The following KCNN2 variants were observed in gnomAD, a reference collection of about 807,000 sequenced individuals.
The protein encoded by KCNN2 is small conductance calcium-activated potassium channel protein 2.
Under a neutral mutation model 55.5 loss-of-function variants are expected in KCNN2, and 24 were observed. That is an observed-to-expected ratio of 0.43 (90% CI 0.31 to 0.61). The LOEUF (loss-of-function observed/expected upper bound fraction) is 0.61, where lower values mean the gene tolerates loss of function less well. Ranked by LOEUF, KCNN2 falls within the 20% of genes least tolerant of loss-of-function variation. The probability of loss-of-function intolerance (pLI) is 0.08; values close to 1 mark genes in which losing one functional copy is unlikely to be tolerated. For missense variants in KCNN2, 754 were observed against 853.6 expected, an observed-to-expected ratio of 0.88 and a Z score of 1.45; for synonymous variants, 431 against 336.1, an observed-to-expected ratio of 1.28 and a Z score of -3.09.
intron 3 of KCNN2, among the ~76,000 whole-genome samples, chr5:114,459,324 T>C (rs1195624899): frequency 2.0e-5 from 3 of 152,254 alleles, no homozygotes; most frequent in Admixed American, 2.0e-4. Context: ...TGATCAAAAC[T>C]TGAAATTTGT....
At chr5:114,125,359 C>T (rs1751908891) in intron 1 of KCNN2, among the ~76,000 whole-genome samples, 1 of 152,182 alleles carries the variant, frequency 6.6e-6, no homozygotes, top group African/African-American at 2.4e-5. Flanking sequence ...CAGGAAGTTT[C>T]ATTTTATATC....
chr5:114,302,651 G>A (rs184315696), intron 2 of KCNN2, among the ~76,000 whole-genome samples: 272 of 152,174 alleles, frequency 1.8e-3, no homozygotes, highest in Non-Finnish European at 2.9e-3. Context: ...TTTTTCCTAG[G>A]TCTTGTGATT....
chr5:114,233,694 A>G (rs771994480), intron 2 of KCNN2, among the ~76,000 whole-genome samples: 8 of 152,222 alleles, frequency 5.3e-5, no homozygotes, highest in Admixed American at 2.0e-4. Context: ...AATTTTACCA[A>G]TGGGCATATT....
chr5:114,082,855 C>T (rs911559298), intron 1 of KCNN2, among the ~76,000 whole-genome samples: 1 of 152,052 alleles, frequency 6.6e-6, no homozygotes, highest in Non-Finnish European at 1.5e-5. Context: ...CACTTAAGAT[C>T]GTCAAAATCA....
At chr5:114,167,763 C>T (rs1484364408) in intron 1 of KCNN2, among the ~76,000 whole-genome samples, 1 of 152,080 alleles carries the variant, frequency 6.6e-6, no homozygotes, top group Non-Finnish European at 1.5e-5. Context: ...ACCTGAGAAA[C>T]CATCACCACA....
chr5:114,454,752 G>T (rs994304674), intron 3 of KCNN2, among the ~76,000 whole-genome samples: 1 of 152,182 alleles, frequency 6.6e-6, no homozygotes, highest in Non-Finnish European at 1.5e-5. Flanking sequence ...GGCAGGGCAG[G>T]TACGTGCGTA....
At chr5:114,057,629 A>C (rs758180706) in intron 1 of KCNN2, among the ~76,000 whole-genome samples, 20 of 152,194 alleles carry the variant, frequency 1.3e-4, no homozygotes, top group Non-Finnish European at 2.5e-4. Flanking sequence ...CAAACTATAT[A>C]ATTTCAGGTA....
intron 3 of KCNN2, among the ~76,000 whole-genome samples, chr5:114,428,094 G>T (rs887144809): frequency 2.6e-5 from 4 of 152,104 alleles, no homozygotes; most frequent in South Asian, 2.1e-4. Flanking sequence ...TTAAGAGCGG[G>T]TCAAGGATTC....
intron 1 of KCNN2, among the ~76,000 whole-genome samples, chr5:114,116,205 G>A (rs180897087): frequency 8.5e-4 from 129 of 152,230 alleles, no homozygotes; most frequent in Middle Eastern, 3.4e-3. Flanking sequence ...AGGGAGAGGT[G>A]TATCCCCATG....
At chr5:114,179,609 G>C (rs890026195) in intron 1 of KCNN2, among the ~76,000 whole-genome samples, 1 of 152,070 alleles carries the variant, frequency 6.6e-6, no homozygotes, top group Non-Finnish European at 1.5e-5. Context: ...TCTACTTTTA[G>C]ACAGTGTTTG....
intron 1 of KCNN2, among the ~76,000 whole-genome samples, chr5:114,116,035 T>C (rs1751702722): frequency 6.6e-6 from 1 of 152,110 alleles, no homozygotes; most frequent in South Asian, 2.1e-4. Flanking sequence ...AATGCAGATC[T>C]ACATAGAATG....
At chr5:114,065,118 C>T (rs997050389) in intron 1 of KCNN2, among the ~76,000 whole-genome samples, 2 of 152,158 alleles carry the variant, frequency 1.3e-5, no homozygotes, top group African/African-American at 4.8e-5. Flanking sequence ...GTAGCGTCAC[C>T]TCTACCAGTG....
At chr5:114,162,335 A>G (rs966883026) in intron 1 of KCNN2, among the ~76,000 whole-genome samples, 2 of 152,122 alleles carry the variant, frequency 1.3e-5, no homozygotes, top group East Asian at 1.9e-4. Flanking sequence ...TGAACCGCAA[A>G]TGCTGCTGCC....
intron 3 of KCNN2, among the ~76,000 whole-genome samples, chr5:114,443,797 A>C (rs942048353): frequency 1.3e-5 from 2 of 152,186 alleles, no homozygotes; most frequent in East Asian, 1.9e-4. Flanking sequence ...ATTTACTAAG[A>C]AGCAGCCTGA....
At chr5:114,228,564 A>G (rs976352213) in intron 2 of KCNN2, among the ~76,000 whole-genome samples, 6 of 152,078 alleles carry the variant, frequency 3.9e-5, no homozygotes, top group Admixed American at 2.0e-4. Flanking sequence ...GAAAAGTTGG[A>G]AAATTTTTAT....
At chr5:114,347,283 G>A (rs1757124597) in intron 2 of KCNN2, among the ~76,000 whole-genome samples, 1 of 152,180 alleles carries the variant, frequency 6.6e-6, no homozygotes, top group South Asian at 2.1e-4. Context: ...TACTAACTGT[G>A]GAGGGAGAAA....
chr5:114,183,991 A>G (rs999569516), intron 1 of KCNN2, among the ~76,000 whole-genome samples: 10 of 152,176 alleles, frequency 6.6e-5, no homozygotes, highest in Non-Finnish European at 1.0e-4. Context: ...ATGCTGAAAG[A>G]TATATGCCTT....
At chr5:114,141,887 A>C (rs1752288898) in intron 1 of KCNN2, among the ~76,000 whole-genome samples, 1 of 152,156 alleles carries the variant, frequency 6.6e-6, no homozygotes, top group African/African-American at 2.4e-5. Flanking sequence ...GCCAGTGATG[A>C]TGAGCGTTTT....
chr5:114,221,133 A>G (rs930846991), intron 1 of KCNN2, among the ~76,000 whole-genome samples: 2 of 152,194 alleles, frequency 1.3e-5, no homozygotes, highest in Non-Finnish European at 2.9e-5. Flanking sequence ...CTGTTCTTTA[A>G]TTTCATGACT....
Sources: allele counts gnomAD v4.1 joint callset (sites outside exome capture counted in the v4.1 genomes callset), GRCh38; gene constraint gnomAD v4.1.1; transcripts MANE v1.5; gene names NCBI Gene and HGNC (gene_info 2026-07-23, HGNC 2026-07-21).